DCC: variants seen among roughly 807,000 people sequenced by gnomAD.
The protein encoded by DCC is netrin receptor DCC.
In DCC, 58 loss-of-function variants were observed where a neutral mutation model predicts 172.5. The observed-to-expected ratio is 0.34, with a 90% CI of 0.27 to 0.42. DCC has a LOEUF of 0.42. DCC is among the 10% of genes least tolerant of loss of function. The probability of loss-of-function intolerance (pLI) is 1.00; values close to 1 mark genes in which losing one functional copy is unlikely to be tolerated. For missense variants in DCC, 1,740 were observed against 1,791.0 expected (o/e 0.97, Z 0.51); for synonymous variants, 709 against 644.5 (o/e 1.10, Z -1.52).
chr18:52,883,377 T>G (rs980612432), intron 2 of DCC, among the ~76,000 whole-genome samples: 1 of 124,904 alleles, frequency 8.0e-6, no homozygotes, highest in African/African-American at 2.6e-5. Context: ...TGTGTGTGTG[T>G]GTGTGTGTGT....
intron 7 of DCC, among the ~76,000 whole-genome samples, chr18:53,121,525 T>C (rs1017392597): frequency 6.6e-6 from 1 of 151,880 alleles, no homozygotes; most frequent in African/African-American, 2.4e-5. Flanking sequence ...ATGTCTTTGG[T>C]GGTTTTGATT....
At chr18:53,143,985 T>A (rs1598845272) in intron 7 of DCC, among the ~76,000 whole-genome samples, 1 of 152,218 alleles carries the variant, frequency 6.6e-6, no homozygotes, top group Admixed American at 6.5e-5. Context: ...GAATTAATAA[T>A]TACTTGGAGG....
At chr18:52,831,184 A>G (rs181757934) in intron 2 of DCC, among the ~76,000 whole-genome samples, 32 of 152,282 alleles carry the variant, frequency 2.1e-4, no homozygotes, top group Middle Eastern at 3.4e-3. Flanking sequence ...CATAAACATG[A>G]CGGTCATTTT....
At chr18:52,809,155 T>C (rs2145244449) in intron 2 of DCC, 1 of 152,362 alleles carries the variant, frequency 6.6e-6, no homozygotes, top group African/African-American at 2.4e-5. Context: ...GCTAGGAATT[T>C]GAGGGCATCT....
At chr18:52,884,503 A>G (rs956237397) in intron 2 of DCC, among the ~76,000 whole-genome samples, 9 of 152,002 alleles carry the variant, frequency 5.9e-5, no homozygotes, top group African/African-American at 1.9e-4. Context: ...TCTTCAATAT[A>G]TCAATTGCAT....
chr18:53,004,180 CTG>C (rs2041610419), intron 5 of DCC, among the ~76,000 whole-genome samples: 1 of 152,184 alleles, frequency 6.6e-6, no homozygotes, highest in Admixed American at 6.5e-5. Context: ...TTTAGGGAGT[CTG>C]TGAAATCCCT....
chr18:52,759,553 G>A lies in DCC; in HGVS notation c.412+7179G>A, dbSNP rs192218596. 3.0e-4 allele frequency among the ~76,000 whole-genome samples: 45 copies of A among 152,148 alleles called. 1 individual carries two copies. Among genetic ancestry groups the A allele is most frequent in the Admixed American group, 2.5e-3 (38 of 15,280 alleles). ...TCAACTCTTAAGCTGTCTACAGTTC[G>A]ATTTTGCTGGTACTGTAATGAAAAT... is the stretch of plus-strand genomic sequence containing the variant. On this transcript the variant is annotated intron_variant, in intron 2 of 28. Coordinates refer to ENST00000442544, the MANE Select transcript of DCC (RefSeq NM_005215.4).
intron 27 of DCC, among the ~76,000 whole-genome samples, chr18:53,509,803 T>C (rs2144523369): frequency 6.6e-6 from 1 of 151,690 alleles, no homozygotes; most frequent in East Asian, 1.9e-4. Flanking sequence ...CAATGTCTGT[T>C]TTTCTTTTGT....
chr18:53,489,591 T>C (rs747377135), intron 26 of DCC, among the ~76,000 whole-genome samples: 23 of 152,190 alleles, frequency 1.5e-4, no homozygotes, highest in Non-Finnish European at 2.9e-4. Flanking sequence ...AAAAGTTGAC[T>C]TTGCCAAGGT....
intron 3 of DCC, among the ~76,000 whole-genome samples, chr18:52,922,167 A>G (rs1387387402): frequency 2.0e-5 from 3 of 152,194 alleles, no homozygotes; most frequent in Admixed American, 6.6e-5. Flanking sequence ...AATGTTCTCA[A>G]TATTTTCATT....
At chr18:52,989,453 G>A (rs2041347092) in intron 5 of DCC, among the ~76,000 whole-genome samples, 1 of 151,578 alleles carries the variant, frequency 6.6e-6, no homozygotes. Context: ...AACCTGGGAG[G>A]TGGTCGTTGC....
chr18:53,421,378 A>C (rs1910636845), intron 21 of DCC, among the ~76,000 whole-genome samples: 2 of 152,194 alleles, frequency 1.3e-5, no homozygotes, highest in Admixed American at 1.3e-4. Context: ...GAGATGAATT[A>C]CAAAGAAAAT....
chr18:53,022,687 C>T (rs2041898258), intron 5 of DCC, among the ~76,000 whole-genome samples: 1 of 151,722 alleles, frequency 6.6e-6, no homozygotes, highest in South Asian at 2.1e-4. Flanking sequence ...TTATTTTTCT[C>T]CTTTTGCCCT....
chr18:52,641,709 A>G (rs1041237560), intron 1 of DCC, among the ~76,000 whole-genome samples: 1 of 152,056 alleles, frequency 6.6e-6, no homozygotes, highest in Non-Finnish European at 1.5e-5. Context: ...AAAAAATAAA[A>G]AAAACAGTAG....
chr18:53,454,303 T>C (rs910637409), intron 23 of DCC, among the ~76,000 whole-genome samples: 10 of 152,212 alleles, frequency 6.6e-5, no homozygotes, highest in Non-Finnish European at 1.5e-4. Context: ...CATGATTGCA[T>C]CACTGTACTC....
At chr18:52,823,251 T>C (rs1374606190) in intron 2 of DCC, among the ~76,000 whole-genome samples, 3 of 152,026 alleles carry the variant, frequency 2.0e-5, no homozygotes, top group African/African-American at 7.2e-5. Context: ...GGAAGATTAC[T>C]TGAGGCCAGG....
At chr18:53,413,910 C>T (rs531377512) in intron 20 of DCC, among the ~76,000 whole-genome samples, 1 of 152,284 alleles carries the variant, frequency 6.6e-6, no homozygotes, top group Admixed American at 6.5e-5. Flanking sequence ...CTTCCAACAA[C>T]ATACTGTCCT....
intron 1 of DCC, among the ~76,000 whole-genome samples, chr18:52,602,233 G>T (rs1448765883): frequency 6.6e-6 from 1 of 151,970 alleles, no homozygotes; most frequent in African/African-American, 2.4e-5. Context: ...GCTTTTGTAG[G>T]TATTATGAGT....
chr18:53,414,369 T>C (rs1910173975), intron 20 of DCC, among the ~76,000 whole-genome samples: 1 of 152,032 alleles, frequency 6.6e-6, no homozygotes. Context: ...ATAATAATAA[T>C]AATAAAATGG....
Sources: gnomAD v4.1 joint callset for allele counts (sites outside exome capture counted in the v4.1 genomes callset) on GRCh38, gnomAD v4.1.1 for gene constraint, MANE v1.5 for transcripts, NCBI Gene and HGNC (gene_info 2026-07-23, HGNC 2026-07-21) for gene names.